Variants in KCNH1 observed in about 807,000 individuals in gnomAD.
The protein encoded by KCNH1 is voltage-gated delayed rectifier potassium channel KCNH1.
A neutral mutation model predicts 69.2 loss-of-function variants in KCNH1; 27 were observed. The observed-to-expected ratio is 0.39, with a 90% CI of 0.29 to 0.54. The LOEUF is 0.54. Among genes scored for constraint, KCNH1 ranks in the 20% least tolerant of loss-of-function variants. KCNH1 has a pLI of 0.68. For missense variants in KCNH1, 798 were observed against 1,261.6 expected, an observed-to-expected ratio of 0.63 and a Z score of 5.57; for synonymous variants, 456 against 487.7, an observed-to-expected ratio of 0.93 and a Z score of 0.86.
intron 6 of KCNH1, among the ~76,000 whole-genome samples, chr1:210,944,001 T>C (rs1048964986): frequency 6.6e-6 from 1 of 152,138 alleles, no homozygotes; most frequent in African/African-American, 2.4e-5. Flanking sequence ...CCAAATCACT[T>C]TGGCTCAGAA....
At chr1:210,714,372 T>G (rs534891421) in intron 10 of KCNH1, among the ~76,000 whole-genome samples, 2 of 152,334 alleles carry the variant, frequency 1.3e-5, no homozygotes, top group South Asian at 4.1e-4. Context: ...TAGGTGCTCA[T>G]GAAACATTTT....
intron 1 of KCNH1, 107 bp from the exon 2 acceptor site, chr1:211,107,484 C>T (rs1691376868): frequency 8.8e-7 from 1 of 1,132,952 alleles, no homozygotes; most frequent in African/African-American, 1.5e-5. Flanking sequence ...TTCTGATTCC[C>T]TCCAAAACAT....
At chr1:210,734,450 A>T (rs1011198508) in intron 10 of KCNH1, among the ~76,000 whole-genome samples, 2 of 152,174 alleles carry the variant, frequency 1.3e-5, no homozygotes, top group African/African-American at 4.8e-5. Flanking sequence ...CAGGGCCCAT[A>T]AAAAAACAGC....
chr1:210,780,317 T>C (rs992038098), intron 9 of KCNH1, among the ~76,000 whole-genome samples: 1 of 152,222 alleles, frequency 6.6e-6, no homozygotes, highest in Non-Finnish European at 1.5e-5. Flanking sequence ...TCCTATTATA[T>C]GCTCTTTTAA....
chr1:210,836,236 A>G (rs1449470047), intron 7 of KCNH1, among the ~76,000 whole-genome samples: 1 of 152,104 alleles, frequency 6.6e-6, no homozygotes, highest in Non-Finnish European at 1.5e-5. Context: ...TGAGGAAGAG[A>G]GCAGGGTTTC....
intron 7 of KCNH1, among the ~76,000 whole-genome samples, chr1:210,829,552 TC>T (rs752409907): frequency 2.6e-5 from 4 of 152,096 alleles, no homozygotes; most frequent in African/African-American, 4.8e-5. Flanking sequence ...CTCTGACCTG[TC>T]CCCTGCTATC....
Position 211,005,310 on chromosome 1 carries a change from C to T in KCNH1, c.1032+13473G>A, listed in dbSNP as rs554634592. Among the ~76,000 whole-genome samples, 61 of 152,188 alleles carry T rather than the reference C, an allele frequency of 4.0e-4. 1 individual carries two copies. The highest frequency in any genetic ancestry group is 1.4e-3 in the African/African-American group (57 of 41,550). ...GGAAAATTCCAAGCCCAGATTGCCT[C>T]AGTTGGTGAATTCTTCTAAATATTT... On this transcript the variant is annotated intron_variant, in intron 6 of 10. Coordinates refer to ENST00000271751, the MANE Select transcript of KCNH1 (RefSeq NM_172362.3).
chr1:210,973,463 C>T (rs1009639571), intron 6 of KCNH1, among the ~76,000 whole-genome samples: 60 of 152,120 alleles, frequency 3.9e-4, no homozygotes, highest in Admixed American at 9.2e-4. Flanking sequence ...TGATTCCCAT[C>T]CATATAGCTA....
chr1:210,907,242 G>A (rs1687120690), intron 7 of KCNH1, among the ~76,000 whole-genome samples: 1 of 152,162 alleles, frequency 6.6e-6, no homozygotes, highest in African/African-American at 2.4e-5. Context: ...ATATCTCCAA[G>A]TAGTCAGGGT....
At chr1:210,859,690 A>G (rs1173839692) in intron 7 of KCNH1, 8 of 1,279,242 alleles carry the variant, frequency 6.3e-6, no homozygotes, top group Non-Finnish European at 1.1e-6. Flanking sequence ...AAATAAAAGG[A>G]TAAAAGCTGG....
intron 6 of KCNH1, among the ~76,000 whole-genome samples, chr1:210,946,423 T>C (rs1372505359): frequency 6.6e-6 from 1 of 152,178 alleles, no homozygotes; most frequent in Non-Finnish European, 1.5e-5. Context: ...CTTTCCCATT[T>C]GCTTTACTCT....
intron 6 of KCNH1, among the ~76,000 whole-genome samples, chr1:210,995,483 C>T (rs562296316): frequency 7.2e-5 from 11 of 152,308 alleles, no homozygotes; most frequent in African/African-American, 2.6e-4. Flanking sequence ...CCTAAACTTA[C>T]AGTACACACA....
chr1:211,068,042 T>C (rs1029212233), intron 5 of KCNH1, among the ~76,000 whole-genome samples: 1 of 152,196 alleles, frequency 6.6e-6, no homozygotes, highest in African/African-American at 2.4e-5. Flanking sequence ...TAAGGCCAGA[T>C]TGCCTTAGCT....
At chr1:210,887,528 A>C (rs1686640234) in intron 7 of KCNH1, among the ~76,000 whole-genome samples, 1 of 152,168 alleles carries the variant, frequency 6.6e-6, no homozygotes, top group Admixed American at 6.5e-5. Context: ...TGATAGGATC[A>C]AATTCACACA....
intron 5 of KCNH1, among the ~76,000 whole-genome samples, chr1:211,068,384 C>A (rs1447818894): frequency 6.6e-6 from 1 of 152,126 alleles, no homozygotes; most frequent in Non-Finnish European, 1.5e-5. Flanking sequence ...GCTGAACAAT[C>A]TGAAAAATCA....
At chr1:210,714,358 G>A (rs1340796313) in intron 10 of KCNH1, among the ~76,000 whole-genome samples, 3 of 152,144 alleles carry the variant, frequency 2.0e-5, no homozygotes, top group Non-Finnish European at 4.4e-5. Context: ...TACTTGGTTT[G>A]GGATAGGTGC....
chr1:211,117,597 A>G (rs76327650), intron 1 of KCNH1, among the ~76,000 whole-genome samples: 37,562 of 152,024 alleles, frequency 0.25, 5,355 homozygotes, highest in African/African-American at 0.38. Context: ...ATGAAAACCA[A>G]TAGAAGAATG....
intron 1 of KCNH1, among the ~76,000 whole-genome samples, chr1:211,126,435 G>A (rs1333483715): frequency 1.3e-5 from 2 of 151,348 alleles, no homozygotes; most frequent in Admixed American, 6.6e-5. Flanking sequence ...GCCTGAACCC[G>A]GGAGGCGAAG....
At chr1:211,103,707 A>AAC (rs113338326) in intron 2 of KCNH1, 105 bp from the exon 3 acceptor site, 37 of 658,456 alleles carry the variant, frequency 5.6e-5, no homozygotes, top group African/African-American at 2.0e-4. Flanking sequence ...TGTACTGTGG[A>AAC]ACACACACAC....
Sources: gnomAD v4.1 joint callset for allele counts (sites outside exome capture counted in the v4.1 genomes callset) on GRCh38, gnomAD v4.1.1 for gene constraint, MANE v1.5 for transcripts, NCBI Gene and HGNC (gene_info 2026-07-23, HGNC 2026-07-21) for gene names.